The following SHISA9 variants were observed in gnomAD, a reference collection of about 807,000 sequenced individuals.
SHISA9 encodes the protein protein shisa-9.
Under a neutral mutation model 38.0 loss-of-function variants are expected in SHISA9, and 13 were observed. That is an observed-to-expected ratio of 0.34 (90% confidence interval 0.22 to 0.54). The LOEUF (loss-of-function observed/expected upper bound fraction) is 0.54. Among genes scored for constraint, SHISA9 ranks in the 20% least tolerant of loss-of-function variants. The probability of loss-of-function intolerance (pLI) is 0.91; values close to 1 mark genes in which losing one functional copy is unlikely to be tolerated. For missense variants in SHISA9, 538 were observed against 575.8 expected, an observed-to-expected ratio of 0.93 and a Z score of 0.67; for synonymous variants, 275 against 242.0, an observed-to-expected ratio of 1.14 and a Z score of -1.27.
intron 2 of SHISA9, among the ~76,000 whole-genome samples, chr16:13,017,222 G>A (rs1418983150): frequency 6.6e-6 from 1 of 152,048 alleles, no homozygotes; most frequent in African/African-American, 2.4e-5. Flanking sequence ...GTTTCACCAT[G>A]TTGGCCAGGC....
chr16:13,146,081 G>A (rs559241627), intron 2 of SHISA9, among the ~76,000 whole-genome samples: 1 of 152,328 alleles, frequency 6.6e-6, no homozygotes, highest in Admixed American at 6.5e-5. Context: ...CCGGCTACTT[G>A]GGAGGCTGAG....
chr16:13,453,989 C>T, the SHISA9 span, among the ~76,000 whole-genome samples: 1 of 152,090 alleles, frequency 6.6e-6, no homozygotes. Flanking sequence ...CAAATAATAC[C>T]CTCATCTCAT....
chr16:13,375,433 T>G, the SHISA9 span, among the ~76,000 whole-genome samples: 1 of 152,208 alleles, frequency 6.6e-6, no homozygotes, highest in African/African-American at 2.4e-5. Context: ...TAGGGAATCC[T>G]TTCCCCATTT....
the SHISA9 span, among the ~76,000 whole-genome samples, chr16:13,272,146 T>C: frequency 1.3e-5 from 2 of 151,330 alleles, no homozygotes; most frequent in African/African-American, 4.9e-5. Flanking sequence ...CATCACTTGG[T>C]AATGTTACCA....
the SHISA9 span, among the ~76,000 whole-genome samples, chr16:13,310,786 C>T: frequency 1.6e-4 from 24 of 150,342 alleles, no homozygotes; most frequent in African/African-American, 5.4e-4. Context: ...CAGGTCCAAG[C>T]AATTCTCCTG....
At chr16:13,016,632 CA>C (rs753176334) in intron 2 of SHISA9, among the ~76,000 whole-genome samples, 13 of 152,260 alleles carry the variant, frequency 8.5e-5, no homozygotes, top group Non-Finnish European at 1.6e-4. Flanking sequence ...GCAAATCCTA[CA>C]AGGCAAATTA....
chr16:13,363,430 G>A, the SHISA9 span, among the ~76,000 whole-genome samples: 2 of 152,214 alleles, frequency 1.3e-5, no homozygotes, highest in Non-Finnish European at 2.9e-5. Context: ...TGATGGAAGG[G>A]ATTTTTAAAA....
chr16:13,526,800 C>T, the SHISA9 span, among the ~76,000 whole-genome samples: 1 of 152,152 alleles, frequency 6.6e-6, no homozygotes, highest in African/African-American at 2.4e-5. Flanking sequence ...GCATGGACTC[C>T]ACCCCTGAAG....
chr16:13,054,626 G>A (rs541246706), intron 2 of SHISA9, among the ~76,000 whole-genome samples: 3 of 152,306 alleles, frequency 2.0e-5, no homozygotes, highest in African/African-American at 7.2e-5. Flanking sequence ...AAGGAAGTTT[G>A]TTAAACTCCT....
the SHISA9 span, among the ~76,000 whole-genome samples, chr16:13,374,374 C>T: frequency 6.6e-6 from 1 of 152,046 alleles, no homozygotes; most frequent in Non-Finnish European, 1.5e-5. Context: ...GTCCAAGTGT[C>T]CTCTTTGTTC....
At chr16:13,076,097 C>A (rs1250641265) in intron 2 of SHISA9, among the ~76,000 whole-genome samples, 2 of 148,642 alleles carry the variant, frequency 1.3e-5, no homozygotes, top group Non-Finnish European at 3.0e-5. Context: ...GTGGCGCGAT[C>A]TTGGCTTGCT....
At chr16:13,399,832 G>T in the SHISA9 span, among the ~76,000 whole-genome samples, 1 of 152,170 alleles carries the variant, frequency 6.6e-6, no homozygotes, top group African/African-American at 2.4e-5. Context: ...AAGCTTCCAG[G>T]TGATGCAATT....
intron 2 of SHISA9, among the ~76,000 whole-genome samples, chr16:12,965,379 CTG>C (rs770123762): frequency 1.3e-5 from 2 of 152,158 alleles, no homozygotes; most frequent in East Asian, 1.9e-4. Context: ...GAAAGAAACA[CTG>C]TATTTGTTGG....
the SHISA9 span, among the ~76,000 whole-genome samples, chr16:13,419,265 G>A: frequency 3.3e-5 from 5 of 152,292 alleles, no homozygotes; most frequent in East Asian, 9.7e-4. Context: ...GTTTTATAGG[G>A]ATAAGCTCCA....
the SHISA9 span, among the ~76,000 whole-genome samples, chr16:13,523,397 A>G: frequency 1.3e-5 from 2 of 152,188 alleles, no homozygotes; most frequent in African/African-American, 2.4e-5. Flanking sequence ...GAGACAATAC[A>G]CAGTATTAAT....
intron 2 of SHISA9, among the ~76,000 whole-genome samples, chr16:12,988,712 A>G (rs1243993115): frequency 6.6e-6 from 1 of 151,924 alleles, no homozygotes; most frequent in Non-Finnish European, 1.5e-5. Flanking sequence ...TTTAGTAGAG[A>G]CAGGGTTTCA....
chr16:13,535,934 G>A, the SHISA9 span, among the ~76,000 whole-genome samples: 1 of 152,010 alleles, frequency 6.6e-6, no homozygotes, highest in African/African-American at 2.4e-5. Flanking sequence ...CTCAGGCACT[G>A]AGCCTTTGTA....
the SHISA9 span, among the ~76,000 whole-genome samples, chr16:13,454,408 C>T: frequency 2.0e-5 from 3 of 152,210 alleles, no homozygotes; most frequent in Admixed American, 6.5e-5. Flanking sequence ...CTGACTCACA[C>T]GCATGGATCC....
At position 12,902,409 on chromosome 16, in the gene SHISA9, G is replaced by A. The variant is rs1195253594; in HGVS notation, c.345G>A (p.Leu115=). The change falls in exon 1 of 5, where the codon CTG becomes CTA. Residue 115 remains leucine, a synonymous_variant. Coordinates refer to ENST00000558583, the MANE Select transcript of SHISA9 (RefSeq NM_001145204.3). ...RFCCTFKKRR[L]NQSTCTNYDT... ...GCTGCACGTTTAAGAAGCGGCGACTGAACCAAAGCACCTGCACCAACTACG... is the reference window on the plus strand; with the variant it reads ...GCTGCACGTTTAAGAAGCGGCGACTAAACCAAAGCACCTGCACCAACTACG... 2 of 1,551,166 alleles carry A rather than the reference G, an allele frequency of 1.3e-6. No homozygotes were observed. The highest frequency in any genetic ancestry group is 1.7e-6 in the Non-Finnish European group (2 of 1,146,974).
Sources: gnomAD v4.1 joint callset for allele counts (sites outside exome capture counted in the v4.1 genomes callset) on GRCh38, gnomAD v4.1.1 for gene constraint, MANE v1.5 for transcripts, NCBI Gene and HGNC (gene_info 2026-07-23, HGNC 2026-07-21) for gene names.